The following SELPLG variants were observed in gnomAD, a reference collection of about 807,000 sequenced individuals.
SELPLG encodes P-selectin glycoprotein ligand 1.
In SELPLG, 2 loss-of-function variants were observed where a neutral mutation model predicts 1.1. That is an observed-to-expected ratio of 1.82 (90% CI 0.74 to 5.71). The LOEUF is 5.71. Among genes scored for constraint, SELPLG ranks in the 30% most tolerant of loss-of-function variants. The probability of loss-of-function intolerance (pLI) is 0.05; values close to 1 mark genes in which losing one functional copy is unlikely to be tolerated. For synonymous variants in SELPLG, 230 were observed against 221.2 expected (o/e 1.04, Z -0.35); for missense variants, 478 against 524.7 (o/e 0.91, Z 0.87).
At position 108,624,155 on chromosome 12, in the gene SELPLG, A is replaced by T; in HGVS notation, c.153T>A (p.Tyr51Ter). 1 of 1,614,206 alleles carries T rather than the reference A, an allele frequency of 6.2e-7. No homozygotes were observed. Residue 51 changes from tyrosine (Y) to a stop codon, truncating the protein, a stop_gained, in exon 2 of 2, where the codon TAT becomes TAA. Transcript: ENST00000550948. LOFTEE classifies it low-confidence loss of function (END_TRUNC). ...RQATEYEYLD[Y>*]DFLPETEPPE... is the part of the protein sequence containing the mutation. Reference sequence around the variant, plus strand: ...GAGGCTCCGTTTCTGGCAGGAAATCATAATCTAGGTACTCATATTCGGTGG... The same window carrying T: ...GAGGCTCCGTTTCTGGCAGGAAATCTTAATCTAGGTACTCATATTCGGTGG...
In SELPLG at chr12:108,623,727, G is replaced by C; in HGVS notation, c.581C>G (p.Thr194Ser). 4.4e-6 allele frequency: 7 copies of C among 1,607,258 alleles called. No individual in the cohort carries two copies. The highest frequency in any genetic ancestry group is 5.1e-6 in the Non-Finnish European group (6 of 1,177,778). Residue 194 changes from threonine (T) to serine (S), a missense_variant, in exon 2 of 2, where the codon ACT becomes AGT. By Grantham distance (58) the Thr-to-Ser change is moderately conservative. Transcript: ENST00000550948. Reference protein sequence around the residue: ...TQPTGLEAQTTAPAAMEAQTT... With the variant: ...TQPTGLEAQTSAPAAMEAQTT... ...CTGTGCCTCCATGGCTGCTGGTGCA[G>C]TGGTCTGTGCCTCCAGGCCTGTGGG...
Position 108,624,147 on chromosome 12 carries a change from A to G in SELPLG, c.161T>C (p.Leu54Pro), listed in dbSNP as rs1488195064. ...CATTTCTGGAGGCTCCGTTTCTGGC[A>G]GGAAATCATAATCTAGGTACTCATA... ...TEYEYLDYDF[L>P]PETEPPEMLR... The change falls in exon 2 of 2, where the codon CTG (leucine) becomes CCG (proline). Residue 54 changes from leucine (L) to proline (P), a missense_variant. Physicochemically the swap from Leu to Pro is moderately conservative, Grantham distance 98 (BLOSUM62 -3). Transcript: ENST00000550948. The G allele has an allele frequency of 6.2e-7, 1 of 1,614,058 alleles. No homozygotes were observed. The highest frequency in any genetic ancestry group is 1.3e-5 in the African/African-American group (1 of 74,918).
Position 108,624,099 on chromosome 12 carries a change from G to C in SELPLG, c.209C>G (p.Thr70Ser), listed in dbSNP as rs1437695336. The C allele has an allele frequency of 6.2e-7, 1 of 1,614,120 alleles. No individual in the cohort carries two copies. The highest frequency in any genetic ancestry group is 1.3e-5 in the African/African-American group (1 of 74,930). ...AGGGGTTCCAGGCCCAGTCAGAGGA[G>C]TGGTGTCAGTGCTGTTCCTCAGCAT... The part of the protein sequence containing the change: ...PEMLRNSTDT[T>S]PLTGPGTPES... The change falls in exon 2 of 2, where the codon ACT becomes AGT. Residue 70 changes from threonine to serine, a missense_variant. Physicochemically the swap from Thr to Ser is moderately conservative, Grantham distance 58. Coordinates refer to ENST00000550948, the MANE Select transcript of SELPLG (RefSeq NM_003006.4).
intron 1 of SELPLG, among the ~76,000 whole-genome samples, chr12:108,626,338 T>G (rs2031936709): frequency 2.0e-5 from 3 of 152,156 alleles, no homozygotes; most frequent in African/African-American, 7.2e-5. Flanking sequence ...TTTCGCCATG[T>G]TGGTCAGGCT....
In SELPLG at chr12:108,624,260, G is replaced by A; in HGVS notation, c.48C>T (p.Asn16=). The A allele has an allele frequency of 6.2e-7, 1 of 1,614,218 alleles. No individual in the cohort carries two copies. Residue 16 remains asparagine (N), a synonymous_variant, in exon 2 of 2, where the codon AAC becomes AAT. Transcript: ENST00000550948. ...LLLLILLGPG[N]SLQLWDTWAD... is the part of the protein sequence containing the mutation. ...CCCAGGTGTCCCACAGCTGCAAGCTGTTGCCAGGGCCCAGTAGGATCAGCA... is the reference window on the plus strand; with the variant it reads ...CCCAGGTGTCCCACAGCTGCAAGCTATTGCCAGGGCCCAGTAGGATCAGCA...
At chr12:108,626,448 A>T (rs893826756) in intron 1 of SELPLG, among the ~76,000 whole-genome samples, 3 of 151,976 alleles carry the variant, frequency 2.0e-5, no homozygotes, top group African/African-American at 7.2e-5. Context: ...TGTTGGTTTC[A>T]AATATGCAAA....
At chr12:108,625,192 C>T (rs567869373) in intron 1 of SELPLG, among the ~76,000 whole-genome samples, 1 of 152,220 alleles carries the variant, frequency 6.6e-6, no homozygotes, top group South Asian at 2.1e-4. Context: ...ACCTGCTGCC[C>T]CCTCTCCCTG....
chr12:108,630,771 C>A (rs377622953), intron 1 of SELPLG, among the ~76,000 whole-genome samples: 1 of 152,208 alleles, frequency 6.6e-6, no homozygotes. Context: ...TTCCAGATTG[C>A]CCCAGGCACG....
At chr12:108,631,809 C>T in intron 1 of SELPLG, 4 of 1,310,554 alleles carry the variant, frequency 3.1e-6, no homozygotes, top group Admixed American at 2.0e-5. Flanking sequence ...TCTAAACACC[C>T]CTGTGTAGAC....
rs1323694286 is a variant in SELPLG, at chr12:108,622,798, T to C, written c.*271A>G. The C allele has an allele frequency of 1.4e-5, 6 of 435,996 alleles. No individual in the cohort carries two copies. The highest frequency in any genetic ancestry group is 2.4e-5 in the Non-Finnish European group (6 of 246,138). The allele number at this position is 435,996 out of a possible 1,614,324, so 27.0% of individuals were successfully genotyped here. A position where few individuals can be genotyped will look rare whatever the true frequency, so the allele number is the denominator to read the frequency against. ...GGGACAGGAAAAAGGAGAGAATCTG[T>C]CTCAAGTAAATGGCCTCCTGCCTTG... On this transcript the variant is annotated 3_prime_UTR_variant, in exon 2 of 2. Coordinates refer to ENST00000550948, the MANE Select transcript of SELPLG (RefSeq NM_003006.4).
Position 108,624,165 on chromosome 12 carries a change from T to C in SELPLG, c.143A>G (p.Tyr48Cys). Residue 48 changes from tyrosine to cysteine, a missense_variant, in exon 2 of 2, where the codon TAC (tyrosine) becomes TGC (cysteine). Transcript: ENST00000550948. ...TTCTGGCAGGAAATCATAATCTAGG[T>C]ACTCATATTCGGTGGCCTGTCTCCG... is the stretch of plus-strand genomic sequence containing the variant. ...RDRRQATEYE[Y>C]LDYDFLPETE... 1 of 1,614,142 alleles carries C rather than the reference T, an allele frequency of 6.2e-7. No homozygotes were observed. The highest frequency in any genetic ancestry group is 8.5e-7 in the Non-Finnish European group (1 of 1,180,020).
rs8179120 is a variant in SELPLG at position 108,630,918 on chromosome 12, C to T, written c.-6+2822G>A. On this transcript the variant is annotated intron_variant, in intron 1 of 1. Coordinates refer to ENST00000550948, the MANE Select transcript of SELPLG (RefSeq NM_003006.4). ...TCAGGCCACAGGCCCAGGATTCAGCCGATGGGCAGGCACACACCCCTCGCA... is the reference window on the plus strand; with the variant it reads ...TCAGGCCACAGGCCCAGGATTCAGCTGATGGGCAGGCACACACCCCTCGCA... Among the ~76,000 whole-genome samples the T allele has an allele frequency of 4.7e-3, 719 of 152,358 alleles. 3 individuals are homozygous for T. Among genetic ancestry groups the T allele is most frequent in the Non-Finnish European group, 8.2e-3 (555 of 68,032 alleles).
At chr12:108,628,828 G>GA (rs2031992385) in intron 1 of SELPLG, 1 of 152,276 alleles carries the variant, frequency 6.6e-6, no homozygotes, top group Non-Finnish European at 1.5e-5. Flanking sequence ...TGGGGTGGAG[G>GA]AGAGGCTGGG....
At chr12:108,624,933 G>A (rs1333744762) in intron 1 of SELPLG, among the ~76,000 whole-genome samples, 3 of 151,886 alleles carry the variant, frequency 2.0e-5, no homozygotes, top group African/African-American at 7.3e-5. Context: ...CAAGTTATCT[G>A]CCCACCTTGG....
At position 108,623,152 on chromosome 12, in the gene SELPLG, T is replaced by C; in HGVS notation, c.1156A>G (p.Lys386Glu). ...PSATANGGLSKAKSPGLTPEP... is the reference protein window; with the variant it reads ...PSATANGGLSEAKSPGLTPEP... ...GGCGTCAGGCCCGGGCTCTTGGCCT[T>C]GGACAGGCCCCCATTGGCTGTGGCA... Residue 386 changes from lysine (K) to glutamate (E), a missense_variant, in exon 2 of 2, where the codon AAG becomes GAG. By Grantham distance (56) the Lys-to-Glu change is moderately conservative. Transcript: ENST00000550948. The C allele has an allele frequency of 1.2e-5, 20 of 1,611,246 alleles. No individual in the cohort carries two copies. Among genetic ancestry groups the C allele is most frequent in the Non-Finnish European group, 1.7e-5 (20 of 1,178,624 alleles).
chr12:108,631,312 G>A (rs942670910), intron 1 of SELPLG, among the ~76,000 whole-genome samples: 6 of 151,676 alleles, frequency 4.0e-5, no homozygotes, highest in Non-Finnish European at 8.8e-5. Context: ...GCCCAGGCTC[G>A]ACTACAGTGG....
At chr12:108,631,990 CG>C (rs1367307766) in intron 1 of SELPLG, 1 of 1,479,472 alleles carries the variant, frequency 6.8e-7, no homozygotes, top group African/African-American at 1.4e-5. Flanking sequence ...GAAGCCATGC[CG>C]CCAGAGGCAG....
Position 108,632,109 on chromosome 12 carries a change from T to C in SELPLG, c.-6+1631A>G, listed in dbSNP as rs8179113. ...CCCAGCTCCTCTGAATGCCCCACTC[T>C]GGGCCCAGCCTAGCAACCCAGCCCT... On this transcript the variant is annotated intron_variant, in intron 1 of 1. Coordinates refer to ENST00000550948, the MANE Select transcript of SELPLG (RefSeq NM_003006.4). 9.1e-4 allele frequency: 559 copies of C among 612,580 alleles called. 8 individuals carry two copies. Among genetic ancestry groups the C allele is most frequent in the African/African-American group, 9.0e-3 (490 of 54,154 alleles). The allele number at this position is 612,580 out of a possible 1,614,324, so 37.9% of individuals were successfully genotyped here.
intron 1 of SELPLG, 121 bp downstream of exon 1, chr12:108,633,619 A>T (rs918034265): frequency 3.3e-5 from 5 of 152,374 alleles, no homozygotes; most frequent in Non-Finnish European, 2.9e-5. Context: ...TGCCCTCCCC[A>T]GGTGCTGCAG....
Sources: allele counts gnomAD v4.1 joint callset (sites outside exome capture counted in the v4.1 genomes callset), GRCh38; gene constraint gnomAD v4.1.1; transcripts MANE v1.5; gene names NCBI Gene and HGNC (gene_info 2026-07-23, HGNC 2026-07-21).